Variants in COL24A1 observed in about 807,000 individuals in gnomAD.
The protein encoded by COL24A1 is collagen alpha-1(XXIV) chain.
COL24A1 carries 224 observed loss-of-function variants against 253.9 expected under a neutral mutation model. That is an observed-to-expected ratio of 0.88 (90% CI 0.79 to 0.99). The LOEUF is 0.99. Among genes scored for constraint, COL24A1 ranks in the 50% least tolerant of loss-of-function variants. The probability of loss-of-function intolerance (pLI) is 0.00; values close to 1 mark genes in which losing one functional copy is unlikely to be tolerated. For synonymous variants in COL24A1, 685 were observed against 673.7 expected, an observed-to-expected ratio of 1.02 and a Z score of -0.26; for missense variants, 2,131 against 2,068.5, an observed-to-expected ratio of 1.03 and a Z score of -0.59.
At chr1:86,044,411 A>C (rs1397405832) in intron 12 of COL24A1, among the ~76,000 whole-genome samples, 1 of 152,200 alleles carries the variant, frequency 6.6e-6, no homozygotes, top group Non-Finnish European at 1.5e-5. Flanking sequence ...TTTTACAGTA[A>C]AAATGAGAAA....
rs1168294453 is a variant in COL24A1, at chr1:86,156,348, C to T, written c.49G>A (p.Ala17Thr). Reference protein sequence around the residue: ...RTRRGKVSPTAKTKSLLHFIV... With the variant: ...RTRRGKVSPTTKTKSLLHFIV... ...GGCGGGTGGGCTACTTACGTTTTTG[C>T]CGTGGGGGAGACTTTTCCACGCCTT... Residue 17 changes from alanine to threonine, a missense_variant, in exon 1 of 60, where the codon GCA becomes ACA. Ala to Thr is a moderately conservative substitution (Grantham distance 58). Transcript: ENST00000370571. 2 of 1,612,268 alleles carry T rather than the reference C, an allele frequency of 1.2e-6. No homozygotes were observed. The highest frequency in any genetic ancestry group is 1.1e-5 in the South Asian group (1 of 90,728).
chr1:85,862,434 A>G (rs1445991324), intron 37 of COL24A1, among the ~76,000 whole-genome samples: 1 of 152,150 alleles, frequency 6.6e-6, no homozygotes, highest in Non-Finnish European at 1.5e-5. Flanking sequence ...TACGTTAAAA[A>G]TCTATGTTAA....
intron 32 of COL24A1, among the ~76,000 whole-genome samples, chr1:85,879,510 A>T (rs553119632): frequency 6.6e-6 from 1 of 152,322 alleles, no homozygotes; most frequent in South Asian, 2.1e-4. Flanking sequence ...TTAAAACAAC[A>T]TAAGGGTTAC....
rs145346578 is a variant in COL24A1, at chr1:85,895,711, A to G, written c.2922+147T>C. Reference sequence around the variant, plus strand: ...GATAAAGGTAATCAGCTCATAATTTATACATATATCAAAATATCACATTGT... The same window carrying G: ...GATAAAGGTAATCAGCTCATAATTTGTACATATATCAAAATATCACATTGT... On this transcript the variant is annotated intron_variant, in intron 31 of 59. Coordinates refer to ENST00000370571, the MANE Select transcript of COL24A1 (RefSeq NM_152890.7). The G allele has an allele frequency of 4.4e-5, 30 of 679,872 alleles. No homozygotes were observed. In the East Asian group the frequency reaches 7.8e-4, roughly 18 times the overall value. The allele number at this position is 679,872 out of a possible 1,614,324, so 42.1% of individuals were successfully genotyped here.
At chr1:86,014,603 T>C (rs1200703735) in intron 19 of COL24A1, among the ~76,000 whole-genome samples, 1 of 141,358 alleles carries the variant, frequency 7.1e-6, no homozygotes, top group Non-Finnish European at 1.5e-5. Flanking sequence ...ATCTCTTCCT[T>C]CTCCTCCTCC....
In COL24A1 at chr1:85,784,166, C is replaced by T. The variant is rs879752830; in HGVS notation, c.4168G>A (p.Gly1390Arg). ...GTCAAACCTTGAACACCATATTCTC[C>T]CTGCAAAGTGAATTGACATGATAAT... ...CGDPGLKGQP[G>R]EYGVQGLTGF... The change falls in exon 50 of 60, where the codon GGA becomes AGA. Residue 1390 changes from glycine (G) to arginine (R), a missense_variant and splice_region_variant. Coordinates refer to ENST00000370571, the MANE Select transcript of COL24A1 (RefSeq NM_152890.7). 18 of 1,613,576 alleles carry T rather than the reference C, an allele frequency of 1.1e-5. No individual in the cohort carries two copies. The highest frequency in any genetic ancestry group is 1.5e-5 in the Non-Finnish European group (18 of 1,179,666).
chr1:85,911,350 T>C, intron 25 of COL24A1, 30 bp downstream of exon 25: 1 of 1,583,524 alleles, frequency 6.3e-7, no homozygotes, highest in Non-Finnish European at 8.6e-7. Context: ...GATTTCTTCC[T>C]ATAAAACAAA....
At chr1:86,133,545 A>G (rs1052850024) in intron 2 of COL24A1, among the ~76,000 whole-genome samples, 1 of 152,184 alleles carries the variant, frequency 6.6e-6, no homozygotes, top group African/African-American at 2.4e-5. Context: ...ATTTATTGAG[A>G]GTTTTTAGCA....
intron 23 of COL24A1, among the ~76,000 whole-genome samples, chr1:85,963,102 T>C (rs1185590912): frequency 1.3e-5 from 2 of 152,300 alleles, no homozygotes; most frequent in South Asian, 2.1e-4. Context: ...ATGTGGCTCA[T>C]ATTTGCAGTT....
At chr1:85,799,730 A>C (rs1486653245) in intron 47 of COL24A1, among the ~76,000 whole-genome samples, 1 of 152,230 alleles carries the variant, frequency 6.6e-6, no homozygotes, top group African/African-American at 2.4e-5. Context: ...AGGGATCCTC[A>C]AGAGAAAATT....
chr1:85,934,011 A>T (rs556477293), intron 24 of COL24A1, among the ~76,000 whole-genome samples: 3 of 152,160 alleles, frequency 2.0e-5, no homozygotes, highest in Non-Finnish European at 4.4e-5. Context: ...CTGGCTGAGG[A>T]TCTTTCATGA....
At chr1:85,823,470 T>C (rs148502694) in intron 45 of COL24A1, 66 bp downstream of exon 45, 1 of 1,443,470 alleles carries the variant, frequency 6.9e-7, no homozygotes, top group Non-Finnish European at 9.7e-7. Flanking sequence ...TAGTAACTCC[T>C]TGTGCTCCTG....
At chr1:85,958,914 G>A (rs1690748742) in intron 24 of COL24A1, among the ~76,000 whole-genome samples, 1 of 152,016 alleles carries the variant, frequency 6.6e-6, no homozygotes, top group African/African-American at 2.4e-5. Context: ...AATTGCAAGA[G>A]GTAGACATGA....
At chr1:86,110,530 G>C (rs1705445239) in intron 5 of COL24A1, among the ~76,000 whole-genome samples, 1 of 152,036 alleles carries the variant, frequency 6.6e-6, no homozygotes, top group African/African-American at 2.4e-5. Flanking sequence ...GAGGGAGCCA[G>C]CTCCCTCTGC....
chr1:86,033,766 C>T (rs1055431935), intron 13 of COL24A1, 104 bp downstream of exon 13: 4 of 1,062,780 alleles, frequency 3.8e-6, no homozygotes, highest in Non-Finnish European at 5.4e-6. Flanking sequence ...GATTGTTTTT[C>T]CAATAGTGTT....
intron 47 of COL24A1, among the ~76,000 whole-genome samples, chr1:85,794,097 AT>A (rs1357710406): frequency 7.2e-5 from 11 of 152,158 alleles, no homozygotes; most frequent in Non-Finnish European, 1.2e-4. Flanking sequence ...TCGTGTGAGA[AT>A]TTTTTTAAAA....
At position 85,823,840 on chromosome 1, in the gene COL24A1, A is replaced by C. The variant is rs72952517; in HGVS notation, c.3682-102T>G. The C allele has an allele frequency of 2.5e-3, 2,479 of 1,003,746 alleles. 38 individuals carry two copies. In the African/African-American group the frequency reaches 0.035, roughly 14 times the overall value. The allele number at this position is 1,003,746 out of a possible 1,614,324, so 62.2% of individuals were successfully genotyped here. A position where few individuals can be genotyped will look rare whatever the true frequency, so the allele number is the denominator to read the frequency against. ...ATGGTAGCAAAGTGTTGCAAAGCTC[A>C]ACTTAAATGTCGTAGAGATTATGAT... On this transcript the variant is annotated intron_variant, in intron 43 of 59. Transcript: ENST00000370571.
intron 1 of COL24A1, among the ~76,000 whole-genome samples, chr1:86,147,428 T>C (rs1336295948): frequency 6.6e-6 from 1 of 152,248 alleles, no homozygotes; most frequent in Non-Finnish European, 1.5e-5. Context: ...TTCGATAGAA[T>C]ACTTAACAAC....
At chr1:85,995,704 T>C (rs1171441955) in intron 19 of COL24A1, among the ~76,000 whole-genome samples, 1 of 152,122 alleles carries the variant, frequency 6.6e-6, no homozygotes, top group African/African-American at 2.4e-5. Context: ...TCTGTGTCCC[T>C]ATGTTGGAGG....
Sources: allele counts gnomAD v4.1 joint callset (sites outside exome capture counted in the v4.1 genomes callset), GRCh38; gene constraint gnomAD v4.1.1; transcripts MANE v1.5; gene names NCBI Gene and HGNC (gene_info 2026-07-23, HGNC 2026-07-21).